Variants in STXBP5L observed in about 807,000 individuals in gnomAD.
STXBP5L encodes syntaxin binding protein 5L.
In STXBP5L, 65 loss-of-function variants were observed where a neutral mutation model predicts 144.5. The ratio of observed to expected loss-of-function variants is 0.45; its 90% CI spans 0.37 to 0.55. STXBP5L has a LOEUF of 0.55. Ranked by LOEUF, STXBP5L falls within the 20% of genes least tolerant of loss-of-function variation. The pLI is 0.00. For missense variants in STXBP5L, 1,298 were observed against 1,405.5 expected, an observed-to-expected ratio of 0.92 and a Z score of 1.22; for synonymous variants, 505 against 469.6, an observed-to-expected ratio of 1.08 and a Z score of -0.97.
intron 3 of STXBP5L, among the ~76,000 whole-genome samples, chr3:120,999,709 G>A (rs945839891): frequency 1.3e-5 from 2 of 152,046 alleles, no homozygotes; most frequent in Admixed American, 6.6e-5. Context: ...GTGATGGGTG[G>A]TAAGTCTTTC....
At chr3:121,315,974 G>A (rs980310243) in intron 19 of STXBP5L, among the ~76,000 whole-genome samples, 1 of 146,868 alleles carries the variant, frequency 6.8e-6, no homozygotes, top group Non-Finnish European at 1.5e-5. Context: ...ATTCATTCCA[G>A]CCTGGGCGAT....
intron 9 of STXBP5L, among the ~76,000 whole-genome samples, chr3:121,194,758 T>C (rs960179735): frequency 6.6e-5 from 10 of 152,218 alleles, no homozygotes; most frequent in Admixed American, 6.5e-4. Context: ...TTGTTTTGTC[T>C]ATTCATATCT....
At chr3:120,999,355 G>C (rs201943245) in intron 3 of STXBP5L, among the ~76,000 whole-genome samples, 1 of 152,008 alleles carries the variant, frequency 6.6e-6, no homozygotes, top group Admixed American at 6.6e-5. Flanking sequence ...TTGATGTTGT[G>C]GTTTAAAGTT....
intron 5 of STXBP5L, among the ~76,000 whole-genome samples, chr3:121,103,650 AT>A (rs2043546181): frequency 6.6e-6 from 1 of 152,166 alleles, no homozygotes; most frequent in Non-Finnish European, 1.5e-5. Flanking sequence ...AAAAGTTGAA[AT>A]TATTTTTAAA....
intron 9 of STXBP5L, among the ~76,000 whole-genome samples, chr3:121,168,839 A>T (rs1168460268): frequency 6.6e-6 from 1 of 152,158 alleles, no homozygotes; most frequent in Non-Finnish European, 1.5e-5. Flanking sequence ...AAATACAGCG[A>T]ACACCACAAA....
At chr3:121,038,518 A>G (rs1282457074) in intron 3 of STXBP5L, among the ~76,000 whole-genome samples, 3 of 151,812 alleles carry the variant, frequency 2.0e-5, no homozygotes, top group Non-Finnish European at 2.9e-5. Context: ...AGTTCGAAAT[A>G]TTTTATCTCT....
At position 121,333,198 on chromosome 3, in the gene STXBP5L, C is replaced by T. The variant is rs1577479879; in HGVS notation, c.2176+14658C>T. On this transcript the variant is annotated intron_variant, in intron 20 of 26. Transcript: ENST00000471454. ...TGGAGAAAATAAAGCATCTAGGTAG[C>T]AATCAACATGATGATTGGAACAGTA... Among the ~76,000 whole-genome samples the T allele has an allele frequency of 3.3e-5, 5 of 152,178 alleles. 1 individual carries two copies. In the South Asian group the frequency reaches 1.0e-3, roughly 32 times the overall value.
intron 14 of STXBP5L, among the ~76,000 whole-genome samples, chr3:121,249,738 G>C (rs1427862977): frequency 6.6e-6 from 1 of 152,050 alleles, no homozygotes; most frequent in African/African-American, 2.4e-5. Context: ...TAAGAATGGT[G>C]AGAGTGAACA....
intron 2 of STXBP5L, among the ~76,000 whole-genome samples, chr3:120,946,525 T>C (rs1267528719): frequency 6.6e-6 from 1 of 151,734 alleles, no homozygotes; most frequent in Non-Finnish European, 1.5e-5. Flanking sequence ...AGTATTTAAC[T>C]GGATTGTTAT....
chr3:121,415,076 T>G (rs566134429), intron 24 of STXBP5L, among the ~76,000 whole-genome samples: 2 of 152,132 alleles, frequency 1.3e-5, no homozygotes, highest in Non-Finnish European at 2.9e-5. Flanking sequence ...AGGGAGATGA[T>G]GCAATTAAAA....
At chr3:121,115,241 G>A (rs2044182379) in intron 6 of STXBP5L, among the ~76,000 whole-genome samples, 182 bp downstream of exon 6, 1 of 151,958 alleles carries the variant, frequency 6.6e-6, no homozygotes, top group African/African-American at 2.4e-5. Context: ...CAATATTTTA[G>A]GCTTTCCAAA....
chr3:120,938,841 C>T (rs978455248), intron 2 of STXBP5L, among the ~76,000 whole-genome samples: 1 of 151,984 alleles, frequency 6.6e-6, no homozygotes, highest in Non-Finnish European at 1.5e-5. Context: ...AGTGCAATGG[C>T]AAAATCATAG....
intron 3 of STXBP5L, among the ~76,000 whole-genome samples, chr3:121,036,593 G>T (rs1398008122): frequency 6.6e-6 from 1 of 152,042 alleles, no homozygotes; most frequent in African/African-American, 2.4e-5. Context: ...TCCTCTTGCT[G>T]TTAAGAATAA....
chr3:121,389,546 A>G (rs1403729823), intron 22 of STXBP5L, among the ~76,000 whole-genome samples: 4 of 152,024 alleles, frequency 2.6e-5, no homozygotes, highest in African/African-American at 7.2e-5. Flanking sequence ...CCCTCTACAC[A>G]CTGCTTTAAA....
In STXBP5L at chr3:121,339,607, G is replaced by A. The variant is rs185707575; in HGVS notation, c.2176+21067G>A. On this transcript the variant is annotated intron_variant, in intron 20 of 26. Transcript: ENST00000471454. ...GAAAGGAATTCCAAATCAGAAAAGAGGAAGTCAAACTATTTATATTTGCCG... is the reference window on the plus strand; with the variant it reads ...GAAAGGAATTCCAAATCAGAAAAGAAGAAGTCAAACTATTTATATTTGCCG... 4.2e-3 allele frequency among the ~76,000 whole-genome samples: 635 copies of A among 151,998 alleles called. 2 individuals carry two copies. The highest frequency in any genetic ancestry group is 7.7e-3 in the Non-Finnish European group (523 of 67,958).
At chr3:121,078,336 A>G (rs1048538350) in intron 5 of STXBP5L, among the ~76,000 whole-genome samples, 1 of 152,054 alleles carries the variant, frequency 6.6e-6, no homozygotes, top group Non-Finnish European at 1.5e-5. Flanking sequence ...CCTGAGCTAG[A>G]CACAGGGTGC....
chr3:121,297,202 A>ATGTGTGTGTGTGTGTGTG lies in STXBP5L; in HGVS notation c.2110+17267_2110+17284dup, dbSNP rs71133526. 3.8e-3 allele frequency among the ~76,000 whole-genome samples: 559 copies of ATGTGTGTGTGTGTGTGTG among 148,324 alleles called. 2 individuals are homozygous for ATGTGTGTGTGTGTGTGTG. The highest frequency in any genetic ancestry group is 6.5e-3 in the Non-Finnish European group (436 of 67,188). ...CAGAATCTGAATGATTCTACATTATATGTGTGTGTGTGTGTGTGTGTGTGT... is the reference window on the plus strand; with the variant it reads ...CAGAATCTGAATGATTCTACATTATATGTGTGTGTGTGTGTGTGTGTGTGTGTGTGTGTGTGTGTGTGT... On this transcript the variant is annotated intron_variant, in intron 19 of 26. Transcript: ENST00000471454.
intron 6 of STXBP5L, among the ~76,000 whole-genome samples, chr3:121,118,537 T>A (rs1346580184): frequency 6.6e-6 from 1 of 151,568 alleles, no homozygotes; most frequent in Non-Finnish European, 1.5e-5. Context: ...ACATGAAAGG[T>A]CTTGTAAGCC....
At chr3:121,071,300 G>A (rs993244097) in intron 5 of STXBP5L, among the ~76,000 whole-genome samples, 10 of 152,188 alleles carry the variant, frequency 6.6e-5, no homozygotes, top group Non-Finnish European at 1.3e-4. Flanking sequence ...CCCGCATTTA[G>A]TTATCTATCA....
Sources: allele counts gnomAD v4.1 joint callset (sites outside exome capture counted in the v4.1 genomes callset), GRCh38; gene constraint gnomAD v4.1.1; transcripts MANE v1.5; gene names NCBI Gene and HGNC (gene_info 2026-07-23, HGNC 2026-07-21).